The following RYR2 variants were observed in gnomAD, a reference collection of about 807,000 sequenced individuals.
The protein encoded by RYR2 is ryanodine receptor 2.
A neutral mutation model predicts 601.1 loss-of-function variants in RYR2; 227 were observed. The observed-to-expected ratio is 0.38, with a 90% CI of 0.34 to 0.42. The LOEUF (loss-of-function observed/expected upper bound fraction) is 0.42. RYR2 is among the 10% of genes least tolerant of loss of function. RYR2 has a pLI of 1.00. For synonymous variants in RYR2, 2,223 were observed against 2,175.1 expected (o/e 1.02, Z -0.61); for missense variants, 4,646 against 6,156.5 (o/e 0.75, Z 8.21).
chr1:237,323,514 C>G (rs1031037665), intron 2 of RYR2, among the ~76,000 whole-genome samples: 3 of 152,124 alleles, frequency 2.0e-5, no homozygotes, highest in African/African-American at 7.2e-5. Context: ...ACTGACACGT[C>G]TGAGTCATTT....
intron 92 of RYR2, among the ~76,000 whole-genome samples, chr1:237,788,388 A>G (rs943290107): frequency 2.6e-5 from 4 of 152,208 alleles, no homozygotes; most frequent in African/African-American, 9.6e-5. Flanking sequence ...GGTTCCTGCC[A>G]GGACAGTGCT....
At chr1:237,797,379 T>C (rs1399242992) in intron 96 of RYR2, among the ~76,000 whole-genome samples, 5 of 152,060 alleles carry the variant, frequency 3.3e-5, no homozygotes, top group Non-Finnish European at 2.9e-5. Context: ...GGTGTTTTAC[T>C]GAAGAATTGC....
At chr1:237,227,966 CTTT>C (rs34963620) in intron 1 of RYR2, among the ~76,000 whole-genome samples, 25 of 148,584 alleles carry the variant, frequency 1.7e-4, no homozygotes, top group Admixed American at 1.3e-3. Flanking sequence ...TTGTTTTTGC[CTTT>C]TTTTTTTTAT....
intron 39 of RYR2, among the ~76,000 whole-genome samples, chr1:237,624,536 A>G (rs1679437345): frequency 6.6e-6 from 1 of 152,184 alleles, no homozygotes; most frequent in African/African-American, 2.4e-5. Flanking sequence ...TCCTCATGTA[A>G]GAAAGAAATT....
intron 10 of RYR2, among the ~76,000 whole-genome samples, chr1:237,405,400 T>C (rs893093009): frequency 3.3e-5 from 5 of 152,218 alleles, no homozygotes; most frequent in Non-Finnish European, 7.3e-5. Flanking sequence ...ACAAAATGTT[T>C]TCATTCTTTT....
intron 1 of RYR2, among the ~76,000 whole-genome samples, chr1:237,086,123 C>T (rs1666301433): frequency 6.6e-6 from 1 of 152,242 alleles, no homozygotes; most frequent in Non-Finnish European, 1.5e-5. Context: ...GCTGTCATAA[C>T]AAAGTACCAC....
At chr1:237,763,749 G>A (rs924453107) in intron 84 of RYR2, among the ~76,000 whole-genome samples, 13 of 152,146 alleles carry the variant, frequency 8.5e-5, no homozygotes, top group Admixed American at 2.6e-4. Context: ...GCATATGTAA[G>A]GGCCACTCAT....
chr1:237,197,214 CT>C (rs1379119681), intron 1 of RYR2, among the ~76,000 whole-genome samples: 1 of 151,942 alleles, frequency 6.6e-6, no homozygotes, highest in African/African-American at 2.4e-5. Context: ...ATCCTCATAC[CT>C]TTTTTATTGT....
chr1:237,452,546 CAT>C (rs966631907), intron 14 of RYR2, among the ~76,000 whole-genome samples: 57 of 136,222 alleles, frequency 4.2e-4, no homozygotes, highest in East Asian at 2.2e-4. Context: ...TATATAACAA[CAT>C]ATATCATATA....
At chr1:237,146,968 T>C (rs1431218933) in intron 1 of RYR2, among the ~76,000 whole-genome samples, 1 of 152,202 alleles carries the variant, frequency 6.6e-6, no homozygotes, top group African/African-American at 2.4e-5. Context: ...CCCTTAATTT[T>C]ATACCAGCTT....
At chr1:237,056,710 C>A (rs945730423) in intron 1 of RYR2, among the ~76,000 whole-genome samples, 2 of 147,926 alleles carry the variant, frequency 1.4e-5, no homozygotes, top group Admixed American at 6.7e-5. Context: ...AGGACTGCAG[C>A]ACTGCACCTG....
chr1:237,690,431 A>C (rs1686836989), intron 63 of RYR2, among the ~76,000 whole-genome samples: 2 of 152,196 alleles, frequency 1.3e-5, no homozygotes, highest in Admixed American at 1.3e-4. Context: ...GTGCTATGTA[A>C]AGTGTAACCT....
At position 237,091,432 on chromosome 1, in the gene RYR2, GGGGGC is replaced by G. The variant is rs1401737725; in HGVS notation, c.48+48868_48+48872del. On this transcript the variant is annotated intron_variant, in intron 1 of 104. Transcript: ENST00000366574. The stretch of plus-strand genomic sequence containing the variant: ...GGGACTTTTCTTTCTTTTTTTTGGG[GGGGGC>G]GGGGGGGGATAGGGTCTTGCCCCAT... Among the ~76,000 whole-genome samples the G allele has an allele frequency of 4.5e-3, 674 of 149,992 alleles. 5 individuals carry two copies. Among genetic ancestry groups the G allele is most frequent in the African/African-American group, 0.016 (639 of 40,310 alleles).
intron 1 of RYR2, among the ~76,000 whole-genome samples, chr1:237,083,506 C>T (rs1342091289): frequency 1.3e-5 from 2 of 152,070 alleles, no homozygotes; most frequent in Non-Finnish European, 2.9e-5. Context: ...CCACAGTCAT[C>T]TCTCCTCTCT....
chr1:237,309,815 C>T (rs376525963), intron 2 of RYR2, among the ~76,000 whole-genome samples: 32 of 152,168 alleles, frequency 2.1e-4, no homozygotes, highest in African/African-American at 7.5e-4. Context: ...AGCACAGCAC[C>T]GGTGGGCTGG....
At chr1:237,817,764 C>G (rs1661995470) in intron 100 of RYR2, among the ~76,000 whole-genome samples, 2 of 152,182 alleles carry the variant, frequency 1.3e-5, no homozygotes, top group Admixed American at 1.3e-4. Context: ...GACTGGAAAG[C>G]AATGGCCAGA....
intron 74 of RYR2, among the ~76,000 whole-genome samples, chr1:237,723,982 T>C (rs1421795948): frequency 1.3e-5 from 2 of 151,822 alleles, no homozygotes; most frequent in East Asian, 1.9e-4. Context: ...CACAGAGATA[T>C]ATTATCTATT....
chr1:237,067,274 A>G (rs1663767446), intron 1 of RYR2, among the ~76,000 whole-genome samples: 1 of 152,060 alleles, frequency 6.6e-6, no homozygotes, highest in Non-Finnish European at 1.5e-5. Context: ...TAAATGTTTT[A>G]TAGTTTTATG....
intron 101 of RYR2, among the ~76,000 whole-genome samples, chr1:237,821,452 T>G (rs917411079): frequency 3.9e-5 from 6 of 151,982 alleles, no homozygotes; most frequent in Non-Finnish European, 8.8e-5. Flanking sequence ...GAAGGAAAGC[T>G]AACAAACAGA....
Sources: gnomAD v4.1 joint callset for allele counts (sites outside exome capture counted in the v4.1 genomes callset) on GRCh38, gnomAD v4.1.1 for gene constraint, MANE v1.5 for transcripts, NCBI Gene and HGNC (gene_info 2026-07-23, HGNC 2026-07-21) for gene names.